The following CA8 variants were observed in gnomAD, a reference collection of about 807,000 sequenced individuals.
CA8 encodes carbonic anhydrase 8 (inactive), also known as carbonic anhydrase-related protein.
In CA8, 22 loss-of-function variants were observed where a neutral mutation model predicts 41.4. The ratio of observed to expected loss-of-function variants is 0.53; its 90% CI spans 0.38 to 0.76. The LOEUF (loss-of-function observed/expected upper bound fraction) is 0.76, where lower values mean the gene tolerates loss of function less well. CA8 is among the 30% of genes least tolerant of loss of function. The pLI is 0.00. For missense variants in CA8, 270 were observed against 352.8 expected (o/e 0.77, Z 1.88); for synonymous variants, 121 against 130.6 (o/e 0.93, Z 0.50).
chr8:60,213,207 T>C (rs934121608), intron 7 of CA8, among the ~76,000 whole-genome samples: 15 of 152,226 alleles, frequency 9.9e-5, no homozygotes, highest in Admixed American at 2.0e-4. Context: ...TTCAATTTTT[T>C]TGAGGAAGAG....
rs1805982786 is a variant in CA8, at chr8:60,186,957, A to G, written c.*3064T>C. Among the ~76,000 whole-genome samples, 2 of 152,072 alleles carry G rather than the reference A, an allele frequency of 1.3e-5. No individual in the cohort carries two copies. Among genetic ancestry groups the G allele is most frequent in the South Asian group, 4.1e-4 (2 of 4,824 alleles). ...ATCAACAAGGAAATAGAAGACTTGA[A>G]CAACACAACAGGCCAACACTATAGA... On this transcript the variant is annotated 3_prime_UTR_variant, in exon 9 of 9. Coordinates refer to ENST00000317995, the MANE Select transcript of CA8 (RefSeq NM_004056.6).
intron 3 of CA8, among the ~76,000 whole-genome samples, chr8:60,255,991 C>T (rs1808622369): frequency 6.6e-6 from 1 of 151,774 alleles, no homozygotes; most frequent in African/African-American, 2.4e-5. Flanking sequence ...CCACTACAAC[C>T]TCCGCCTCCC....
At chr8:60,229,938 C>T (rs930820763) in intron 4 of CA8, among the ~76,000 whole-genome samples, 2 of 152,202 alleles carry the variant, frequency 1.3e-5, no homozygotes, top group African/African-American at 4.8e-5. Context: ...TACTCCTTTA[C>T]CCGGATAAAG....
At chr8:60,202,329 G>A (rs899109268) in intron 8 of CA8, among the ~76,000 whole-genome samples, 1 of 151,772 alleles carries the variant, frequency 6.6e-6, no homozygotes, top group Non-Finnish European at 1.5e-5. Flanking sequence ...GGGATTACAG[G>A]CATGAGCCAC....
intron 5 of CA8, among the ~76,000 whole-genome samples, chr8:60,226,053 T>C (rs6471850): frequency 0.97 from 147,231 of 152,314 alleles, 71,339 homozygotes; most frequent in Non-Finnish European, 0.99. Flanking sequence ...CACCTTCTCT[T>C]GGATATTATC....
intron 3 of CA8, among the ~76,000 whole-genome samples, chr8:60,237,130 A>G (rs1186743630): frequency 3.9e-5 from 6 of 152,168 alleles, no homozygotes; most frequent in Admixed American, 3.9e-4. Context: ...GCTCTCATAA[A>G]AGACCTCTGC....
At chr8:60,222,275 G>A (rs1313779845) in intron 7 of CA8, among the ~76,000 whole-genome samples, 4 of 152,112 alleles carry the variant, frequency 2.6e-5, no homozygotes, top group Non-Finnish European at 5.9e-5. Context: ...ACACACCAAG[G>A]CAAAACTATT....
At chr8:60,276,428 G>A (rs1804239822) in intron 2 of CA8, among the ~76,000 whole-genome samples, 1 of 152,170 alleles carries the variant, frequency 6.6e-6, no homozygotes. Flanking sequence ...TCCGTCATAT[G>A]TTAGAGAGTT....
At chr8:60,253,809 CCAGCTCCAA>C (rs1208576757) in intron 3 of CA8, among the ~76,000 whole-genome samples, 7 of 152,158 alleles carry the variant, frequency 4.6e-5, no homozygotes, top group African/African-American at 9.7e-5. Context: ...TCATCAAGGC[CCAGCTCCAA>C]CAGCCATTCC....
At chr8:60,233,631 GCAA>G (rs1326290834) in intron 3 of CA8, among the ~76,000 whole-genome samples, 2 of 152,168 alleles carry the variant, frequency 1.3e-5, no homozygotes, top group Non-Finnish European at 1.5e-5. Context: ...TTCTCCAGCT[GCAA>G]CAACAGCATA....
intron 7 of CA8, among the ~76,000 whole-genome samples, chr8:60,219,965 T>C (rs1807188521): frequency 7.4e-6 from 1 of 135,318 alleles, no homozygotes; most frequent in South Asian, 2.5e-4. Context: ...ACTTGACTAT[T>C]CTCTAAACGT....
chr8:60,278,034 C>T (rs536851659), intron 2 of CA8, among the ~76,000 whole-genome samples: 24 of 152,202 alleles, frequency 1.6e-4, no homozygotes, highest in African/African-American at 5.8e-4. Context: ...GCACAAAATG[C>T]TAGGTGAGGA....
intron 3 of CA8, among the ~76,000 whole-genome samples, chr8:60,256,600 C>CA (rs111493657): frequency 0.063 from 9,557 of 151,474 alleles, 344 homozygotes; most frequent in South Asian, 0.13. Flanking sequence ...CAGAAAAAAA[C>CA]AAAAAAAAGC....
chr8:60,272,301 T>C (rs1420047857), intron 2 of CA8, among the ~76,000 whole-genome samples: 1 of 152,050 alleles, frequency 6.6e-6, no homozygotes, highest in Non-Finnish European at 1.5e-5. Flanking sequence ...ACCTTCAAAC[T>C]GGCTCACACT....
At position 60,226,344 on chromosome 8, in the gene CA8, T is replaced by C. The variant is rs567030955; in HGVS notation, c.576+529A>G. 7.6e-4 allele frequency among the ~76,000 whole-genome samples: 115 copies of C among 152,268 alleles called. 1 individual carries two copies. The South Asian group carries it at 8.5e-3, about 11-fold the overall frequency. On this transcript the variant is annotated intron_variant, in intron 5 of 8. Coordinates refer to ENST00000317995, the MANE Select transcript of CA8 (RefSeq NM_004056.6). ...GTGTGCCTGCAGCCTTGGGCCATCC[T>C]GTATTTATGGTGAACTCCTGTTGTT...
chr8:60,241,485 C>T (rs1415278274), intron 3 of CA8, among the ~76,000 whole-genome samples: 1 of 152,196 alleles, frequency 6.6e-6, no homozygotes, highest in African/African-American at 2.4e-5. Flanking sequence ...AGCAGAATGG[C>T]TGCCTCTTTA....
At chr8:60,214,309 T>C (rs1304786162) in intron 7 of CA8, among the ~76,000 whole-genome samples, 1 of 152,164 alleles carries the variant, frequency 6.6e-6, no homozygotes, top group Admixed American at 6.5e-5. Context: ...AGCCTCTTTC[T>C]TAAGGGCCTT....
At chr8:60,208,560 CA>C (rs1806721550) in intron 8 of CA8, 189 bp downstream of exon 8, 1 of 599,984 alleles carries the variant, frequency 1.7e-6, no homozygotes, top group African/African-American at 1.9e-5. Flanking sequence ...AGTTTTTCTT[CA>C]ATACTGCATA....
chr8:60,198,614 T>C (rs1200699428), intron 8 of CA8, among the ~76,000 whole-genome samples: 1 of 152,138 alleles, frequency 6.6e-6, no homozygotes, highest in African/African-American at 2.4e-5. Flanking sequence ...TGATTGACTA[T>C]CTAATTACTT....
Sources: allele counts gnomAD v4.1 joint callset (sites outside exome capture counted in the v4.1 genomes callset), GRCh38; gene constraint gnomAD v4.1.1; transcripts MANE v1.5; gene names NCBI Gene and HGNC (gene_info 2026-07-23, HGNC 2026-07-21).